The following ADGRL2 variants were observed in gnomAD, a reference collection of about 807,000 sequenced individuals.
ADGRL2 encodes calcium-independent alpha-latrotoxin receptor 2.
ADGRL2 carries 44 observed loss-of-function variants against 157.4 expected under a neutral mutation model. That is an observed-to-expected ratio of 0.28 (90% CI 0.22 to 0.36). The LOEUF is 0.36. Among genes scored for constraint, ADGRL2 ranks in the 10% least tolerant of loss-of-function variants. ADGRL2 has a pLI of 1.00. For missense variants in ADGRL2, 1,510 were observed against 1,768.9 expected (o/e 0.85, Z 2.63); for synonymous variants, 585 against 624.7 (o/e 0.94, Z 0.95).
At chr1:81,760,503 T>C (rs1427127634) in intron 1 of ADGRL2, among the ~76,000 whole-genome samples, 1 of 152,122 alleles carries the variant, frequency 6.6e-6, no homozygotes, top group Non-Finnish European at 1.5e-5. Flanking sequence ...CTAATTTGAA[T>C]GTTCTCTTTT....
intron 1 of ADGRL2, among the ~76,000 whole-genome samples, chr1:81,761,626 G>A (rs1214444753): frequency 6.6e-6 from 1 of 151,944 alleles, no homozygotes. Flanking sequence ...CAAAACAAGT[G>A]CTTAATCTTA....
At chr1:81,892,457 C>G (rs1032852224) in intron 2 of ADGRL2, among the ~76,000 whole-genome samples, 8 of 152,172 alleles carry the variant, frequency 5.3e-5, no homozygotes, top group Admixed American at 3.3e-4. Flanking sequence ...GAATTATATT[C>G]TAAGATTGTG....
At chr1:81,714,614 G>C (rs1378924649) in intron 1 of ADGRL2, among the ~76,000 whole-genome samples, 2 of 152,108 alleles carry the variant, frequency 1.3e-5, no homozygotes, top group Non-Finnish European at 2.9e-5. Flanking sequence ...CTCTAAAGGG[G>C]ATAAAGAAGA....
intron 1 of ADGRL2, among the ~76,000 whole-genome samples, chr1:81,759,424 T>TA (rs2085795509): frequency 1.3e-5 from 2 of 152,174 alleles, no homozygotes; most frequent in African/African-American, 4.8e-5. Context: ...CTTTGCTTCT[T>TA]AGAGTTTAAA....
chr1:81,700,365 G>A (rs1449044633), intron 1 of ADGRL2, among the ~76,000 whole-genome samples: 1 of 152,136 alleles, frequency 6.6e-6, no homozygotes, highest in East Asian at 1.9e-4. Flanking sequence ...AGTCCATTAT[G>A]TTTGATAAGG....
intron 2 of ADGRL2, among the ~76,000 whole-genome samples, chr1:81,493,754 C>T (rs144895522): frequency 1.3e-5 from 2 of 152,158 alleles, no homozygotes; most frequent in African/African-American, 4.8e-5. Flanking sequence ...GAAAAAAATT[C>T]GATTTACAAG....
chr1:81,551,928 A>T (rs1195785199), intron 2 of ADGRL2, among the ~76,000 whole-genome samples: 1 of 152,210 alleles, frequency 6.6e-6, no homozygotes, highest in East Asian at 1.9e-4. Context: ...TATTAGTGGG[A>T]ACTGCTTGTG....
chr1:81,694,904 A>G (rs537409435), upstream of ADGRL2, among the ~76,000 whole-genome samples: 54 of 152,304 alleles, frequency 3.5e-4, no homozygotes, highest in Middle Eastern at 6.8e-3. Flanking sequence ...ACACACATAC[A>G]TATGTACATA....
At chr1:81,559,719 G>A (rs2080397076) in intron 2 of ADGRL2, among the ~76,000 whole-genome samples, 2 of 152,088 alleles carry the variant, frequency 1.3e-5, no homozygotes, top group Non-Finnish European at 2.9e-5. Flanking sequence ...ACCCAGTGCA[G>A]GTGTTATGTT....
chr1:81,321,579 A>G (rs1269630425), intron 1 of ADGRL2, among the ~76,000 whole-genome samples: 1 of 152,190 alleles, frequency 6.6e-6, no homozygotes, highest in Non-Finnish European at 1.5e-5. Flanking sequence ...GGTTGAGGGC[A>G]GAGGGAGAGA....
chr1:81,789,710 A>G (rs2087238568), intron 2 of ADGRL2, among the ~76,000 whole-genome samples: 1 of 151,810 alleles, frequency 6.6e-6, no homozygotes, highest in Non-Finnish European at 1.5e-5. Context: ...TCAAAAAAAA[A>G]AAAAAAAAAA....
chr1:81,580,840 T>C (rs191609271), intron 2 of ADGRL2: 1 of 152,210 alleles, frequency 6.6e-6, no homozygotes, highest in Non-Finnish European at 1.5e-5. Flanking sequence ...GAGCCAAGTA[T>C]GTCATATATC....
rs1045138644 is a variant in ADGRL2, at chr1:81,540,923, A to G, written c.-247-39953A>G. Among the ~76,000 whole-genome samples the G allele has an allele frequency of 2.0e-5, 3 of 152,218 alleles. No homozygotes were observed. The East Asian group carries it at 5.8e-4, about 29-fold the overall frequency. On this transcript the variant is annotated intron_variant, in intron 2 of 24. Coordinates refer to the ADGRL2 transcript ENST00000370721. ...AGGGGTGGTAATAAGAGAAAGAAAA[A>G]AAAAATACCTGTATAAAGTGCAATT...
chr1:81,803,913 A>T (rs912306458), intron 1 of ADGRL2, among the ~76,000 whole-genome samples: 6 of 152,220 alleles, frequency 3.9e-5, no homozygotes, highest in Non-Finnish European at 8.8e-5. Context: ...CTCTTTGCTC[A>T]ACGAAGTTGC....
chr1:81,516,091 A>T lies in ADGRL2; in HGVS notation c.-247-64785A>T, dbSNP rs575243593. ...CTAATACACTGGTTACATAAACAAT[A>T]CTTGAAAATAAGATCTTTCCTTCAA... On this transcript the variant is annotated intron_variant, in intron 2 of 24. Transcript: ENST00000370721. Among the ~76,000 whole-genome samples the T allele has an allele frequency of 7.2e-5, 11 of 152,330 alleles. No individual in the cohort carries two copies. The South Asian group carries it at 2.3e-3, about 32-fold the overall frequency.
chr1:81,486,556 A>G (rs971634591), intron 2 of ADGRL2, among the ~76,000 whole-genome samples: 1 of 152,170 alleles, frequency 6.6e-6, no homozygotes, highest in African/African-American at 2.4e-5. Context: ...AAAAAAAACA[A>G]CTGTATAGTA....
At chr1:81,799,836 G>T (rs181063564), upstream of ADGRL2, among the ~76,000 whole-genome samples, 192 of 152,150 alleles carry the variant, frequency 1.3e-3, no homozygotes, top group Non-Finnish European at 2.1e-3. Context: ...AGAATCAGTG[G>T]TTTACAAATA....
intron 2 of ADGRL2, among the ~76,000 whole-genome samples, chr1:81,786,775 C>A (rs762378072): frequency 6.6e-6 from 1 of 152,140 alleles, no homozygotes; most frequent in East Asian, 1.9e-4. Flanking sequence ...TTGTGTTTGG[C>A]GGTTTCTGCT....
At chr1:81,718,913 G>T (rs1207526868) in intron 1 of ADGRL2, among the ~76,000 whole-genome samples, 1 of 152,200 alleles carries the variant, frequency 6.6e-6, no homozygotes, top group Non-Finnish European at 1.5e-5. Context: ...AATTATCTTG[G>T]TTTAGCTATG....
Sources: allele counts gnomAD v4.1 joint callset (sites outside exome capture counted in the v4.1 genomes callset), GRCh38; gene constraint gnomAD v4.1.1; transcripts MANE v1.5; gene names NCBI Gene and HGNC (gene_info 2026-07-23, HGNC 2026-07-21).